Variants in CLSTN2 observed in about 807,000 individuals in gnomAD.
CLSTN2 encodes calsyntenin 2, also known as calsyntenin-2.
In CLSTN2, 48 loss-of-function variants were observed where a neutral mutation model predicts 101.2. The observed-to-expected ratio is 0.47, with a 90% CI of 0.38 to 0.60. CLSTN2 has a LOEUF of 0.60. Ranked by LOEUF, CLSTN2 falls within the 20% of genes least tolerant of loss-of-function variation. The probability of loss-of-function intolerance (pLI) is 0.00; values close to 1 mark genes in which losing one functional copy is unlikely to be tolerated. For missense variants in CLSTN2, 1,160 were observed against 1,238.2 expected (o/e 0.94, Z 0.95); for synonymous variants, 481 against 463.6 (o/e 1.04, Z -0.48).
Position 140,092,787 on chromosome 3 carries a change from G to A in CLSTN2, c.110-83164G>A, listed in dbSNP as rs112448655. On this transcript the variant is annotated intron_variant, in intron 1 of 16. Transcript: ENST00000458420. ...TCCAGTGCTCACCACCTTGAGAAGG[G>A]ACTCAGCAATCCTCCTGCAAGCTCC... Among the ~76,000 whole-genome samples, 979 of 152,266 alleles carry A rather than the reference G, an allele frequency of 6.4e-3. 1 individual carries two copies. The highest frequency in any genetic ancestry group is 0.01 in the Admixed American group (157 of 15,296).
At chr3:140,231,705 C>T (rs1403561188) in intron 2 of CLSTN2, among the ~76,000 whole-genome samples, 1 of 152,176 alleles carries the variant, frequency 6.6e-6, no homozygotes, top group East Asian at 1.9e-4. Context: ...TTATAGAAGG[C>T]ACTGGACTCT....
intron 5 of CLSTN2, among the ~76,000 whole-genome samples, chr3:140,421,648 A>G (rs2088507444): frequency 6.6e-6 from 1 of 152,128 alleles, no homozygotes; most frequent in African/African-American, 2.4e-5. Flanking sequence ...ATCACGGATC[A>G]ACACCTGGGG....
At chr3:140,338,459 G>A (rs577937781) in intron 2 of CLSTN2, among the ~76,000 whole-genome samples, 42 of 152,302 alleles carry the variant, frequency 2.8e-4, no homozygotes, top group African/African-American at 9.9e-4. Context: ...TCTACAGCCA[G>A]TGTTTTTAGC....
Position 140,410,408 on chromosome 3 carries a change from A to C in CLSTN2, c.637+5642A>C, listed in dbSNP as rs1480715245. Among the ~76,000 whole-genome samples, 26 of 130,246 alleles carry C rather than the reference A, an allele frequency of 2.0e-4. No homozygotes were observed. In the South Asian group the frequency reaches 7.8e-3, roughly 39 times the overall value. The allele number at this position is 130,246 out of a possible 152,430, so 85.4% of individuals were successfully genotyped here. ...TATATATTTAAGATGCTGAAATAAA[A>C]AGCAAAAAAAAAAAAAAAACCTACC... On this transcript the variant is annotated intron_variant, in intron 4 of 16. Transcript: ENST00000458420.
At chr3:140,232,933 C>T (rs1271045672) in intron 2 of CLSTN2, among the ~76,000 whole-genome samples, 1 of 152,126 alleles carries the variant, frequency 6.6e-6, no homozygotes, top group Non-Finnish European at 1.5e-5. Flanking sequence ...CTGACCTCCC[C>T]TCCGTCGTGC....
intron 2 of CLSTN2, among the ~76,000 whole-genome samples, chr3:140,288,434 G>A (rs114741235): frequency 9.1e-4 from 139 of 152,130 alleles, no homozygotes; most frequent in African/African-American, 2.7e-3. Context: ...GTTCCAAGAG[G>A]ATTCTATTGC....
At chr3:139,946,593 C>G (rs996833478) in intron 1 of CLSTN2, among the ~76,000 whole-genome samples, 1 of 152,186 alleles carries the variant, frequency 6.6e-6, no homozygotes, top group African/African-American at 2.4e-5. Context: ...GGATGGGCAT[C>G]AATCTTCCTT....
At chr3:140,135,109 CACACACACATATATATATATATATAT>C (rs2009591128) in intron 1 of CLSTN2, among the ~76,000 whole-genome samples, 3 of 52,508 alleles carry the variant, frequency 5.7e-5, no homozygotes, top group African/African-American at 1.2e-4. Context: ...CACACACACA[CACACACACATATATATATATATATAT>C]ATATATATAT....
intron 1 of CLSTN2, among the ~76,000 whole-genome samples, chr3:140,123,575 G>A (rs1327825975): frequency 6.6e-6 from 1 of 152,034 alleles, no homozygotes; most frequent in Non-Finnish European, 1.5e-5. Flanking sequence ...ATTCTAATGG[G>A]GTGTCTTAGT....
intron 8 of CLSTN2, among the ~76,000 whole-genome samples, chr3:140,481,586 A>C (rs1332021995): frequency 1.3e-5 from 2 of 152,174 alleles, no homozygotes; most frequent in African/African-American, 4.8e-5. Context: ...ATGAGCATGG[A>C]ATGTTCTTCC....
chr3:140,307,625 A>T (rs1025491419), intron 2 of CLSTN2, among the ~76,000 whole-genome samples: 1 of 152,228 alleles, frequency 6.6e-6, no homozygotes, highest in Non-Finnish European at 1.5e-5. Flanking sequence ...GACGTGGCAC[A>T]TAGAGGGTAC....
At chr3:140,321,506 C>T (rs1467974168) in intron 2 of CLSTN2, among the ~76,000 whole-genome samples, 1 of 152,178 alleles carries the variant, frequency 6.6e-6, no homozygotes, top group East Asian at 1.9e-4. Flanking sequence ...ATGCTCAGGT[C>T]CCCTGCCCTA....
At chr3:140,110,435 T>C (rs775984660) in intron 1 of CLSTN2, among the ~76,000 whole-genome samples, 11 of 152,236 alleles carry the variant, frequency 7.2e-5, no homozygotes, top group Non-Finnish European at 1.6e-4. Flanking sequence ...GGGCATCGTG[T>C]TATTGAATAA....
intron 1 of CLSTN2, among the ~76,000 whole-genome samples, chr3:140,167,054 G>C (rs1228334023): frequency 6.6e-6 from 1 of 152,196 alleles, no homozygotes; most frequent in Non-Finnish European, 1.5e-5. Flanking sequence ...TAACAGCCAA[G>C]CCACAGGCAT....
chr3:140,555,268 G>A (rs901145709), intron 10 of CLSTN2, among the ~76,000 whole-genome samples: 1 of 152,192 alleles, frequency 6.6e-6, no homozygotes, highest in African/African-American at 2.4e-5. Flanking sequence ...CAAGTAACAT[G>A]ACCTCTGCTG....
intron 2 of CLSTN2, among the ~76,000 whole-genome samples, chr3:140,196,001 G>T (rs1213749034): frequency 6.6e-6 from 1 of 152,216 alleles, no homozygotes. Flanking sequence ...GGATGCTGAT[G>T]GAGAAGAGGT....
intron 10 of CLSTN2, among the ~76,000 whole-genome samples, chr3:140,549,350 C>CA (rs1361231224): frequency 2.0e-5 from 3 of 151,412 alleles, no homozygotes; most frequent in Non-Finnish European, 4.4e-5. Context: ...ATAAGTGGCA[C>CA]AAAAAACTGT....
At chr3:140,447,166 C>A (rs1933102100) in intron 5 of CLSTN2, among the ~76,000 whole-genome samples, 1 of 152,200 alleles carries the variant, frequency 6.6e-6, no homozygotes, top group Non-Finnish European at 1.5e-5. Context: ...TGAGGTCAGG[C>A]AACTTTATAG....
At chr3:140,109,298 T>C (rs758085745) in intron 1 of CLSTN2, among the ~76,000 whole-genome samples, 7 of 152,280 alleles carry the variant, frequency 4.6e-5, no homozygotes, top group Middle Eastern at 3.4e-3. Flanking sequence ...TAGAGAATCA[T>C]AGTCACCTCC....
Sources: allele counts gnomAD v4.1 joint callset (sites outside exome capture counted in the v4.1 genomes callset), GRCh38; gene constraint gnomAD v4.1.1; transcripts MANE v1.5; gene names NCBI Gene and HGNC (gene_info 2026-07-23, HGNC 2026-07-21).